The following ABCB9 variants were observed in gnomAD, a reference collection of about 807,000 sequenced individuals.
The protein encoded by ABCB9 is ABC-type oligopeptide transporter ABCB9.
Under a neutral mutation model 62.0 loss-of-function variants are expected in ABCB9, and 36 were observed. That is an observed-to-expected ratio of 0.58 (90% confidence interval 0.45 to 0.77). The LOEUF (loss-of-function observed/expected upper bound fraction) is 0.77, where lower values mean the gene tolerates loss of function less well. Ranked by LOEUF, ABCB9 falls within the 30% of genes least tolerant of loss-of-function variation. ABCB9 has a pLI of 0.00. For synonymous variants in ABCB9, 435 were observed against 461.4 expected, an observed-to-expected ratio of 0.94 and a Z score of 0.73; for missense variants, 943 against 1,054.7, an observed-to-expected ratio of 0.89 and a Z score of 1.47.
rs1230537764 is a variant in ABCB9, at chr12:122,964,403, G to A, written c.-88+1884C>T. Among the ~76,000 whole-genome samples, 1 of 152,206 alleles carries A rather than the reference G, an allele frequency of 6.6e-6. No homozygotes were observed. The highest frequency in any genetic ancestry group is 1.9e-4 in the East Asian group (1 of 5,198). The stretch of plus-strand genomic sequence containing the variant: ...ACATTTTGCAGATGGGGAAACTGAG[G>A]CCCACAGAGGGAGGGGGTGAGGCTT... On this transcript the variant is annotated intron_variant, in intron 1 of 11. Transcript: ENST00000280560. The surrounding 1 kb of genome is among the most constrained non-coding windows in gnomAD (Gnocchi z 4.7).
Position 122,940,118 on chromosome 12 carries a change from T to C in ABCB9, c.1736A>G (p.His579Arg), listed in dbSNP as rs748489928. The C allele has an allele frequency of 6.2e-7, 1 of 1,610,872 alleles. No individual in the cohort carries two copies. The highest frequency in any genetic ancestry group is 8.5e-7 in the Non-Finnish European group (1 of 1,178,766). The change falls in exon 9 of 12, where the codon CAC becomes CGC. Residue 579 changes from histidine to arginine, a missense_variant. Coordinates refer to ENST00000280560, the MANE Select transcript of ABCB9 (RefSeq NM_019625.4). The surrounding 1 kb of genome is among the most constrained non-coding windows in gnomAD (Gnocchi z 4.8). The part of the protein sequence containing the change: ...PISAYDHKYL[H>R]RVISLVSQEP... The stretch of plus-strand genomic sequence containing the variant: ...CCAGGCCCGTGCACATACCACACGG[T>C]GCAAGTACTTGTGGTCGTAGGCGCT...
downstream of ABCB9, chr12:122,924,811 C>T: frequency 6.5e-7 from 1 of 1,534,898 alleles, no homozygotes; most frequent in African/African-American, 1.4e-5. Context: ...ACCCAGCACA[C>T]TGTGTGGGAC....
At chr12:122,954,171 CAAA>C (rs557726998) in intron 2 of ABCB9, among the ~76,000 whole-genome samples, 5 of 114,746 alleles carry the variant, frequency 4.4e-5, no homozygotes, top group Admixed American at 8.9e-5. Flanking sequence ...GGCCCTGCCT[CAAA>C]AAAAAAAAAA....
Position 122,964,303 on chromosome 12 carries a change from C to T in ABCB9, c.-88+1984G>A, listed in dbSNP as rs2037060621. Among the ~76,000 whole-genome samples the T allele has an allele frequency of 6.6e-6, 1 of 152,192 alleles. No homozygotes were observed. Among genetic ancestry groups the T allele is most frequent in the South Asian group, 2.1e-4 (1 of 4,832 alleles). ...CAGCCCAGGGTACCAGTCATGCCCC[C>T]CGCCTCCAGAAGCCTATTTATCTTC... On this transcript the variant is annotated intron_variant, in intron 1 of 11. Transcript: ENST00000280560. The surrounding 1 kb of genome is among the most constrained non-coding windows in gnomAD (Gnocchi z 4.7).
In ABCB9 at chr12:122,947,377, T is replaced by G. The variant is rs1594031354; in HGVS notation, c.1054-1155A>C. On this transcript the variant is annotated intron_variant, in intron 5 of 11. Transcript: ENST00000280560. This position sits in a 1 kb window ranked among gnomAD's most constrained non-coding sequence, Gnocchi z 6.0. ...TGTGGCTGGAGAAGACTGTGGGGAG[T>G]GGCCTCACCGGGGGCTGGGTGGGAG... 1 of 383,132 alleles carries G rather than the reference T, an allele frequency of 2.6e-6. No homozygotes were observed. 23.7% of individuals were successfully genotyped at this position (383,132 alleles called of 1,614,324 possible).
At position 122,932,417 on chromosome 12, in the gene ABCB9, G is replaced by C. The variant is rs2035228238; in HGVS notation, c.1904-89C>G. 1 of 1,461,284 alleles carries C rather than the reference G, an allele frequency of 6.8e-7. No individual in the cohort carries two copies. Among genetic ancestry groups the C allele is most frequent in the African/African-American group, 1.4e-5 (1 of 71,194 alleles). The allele number at this position is 1,461,284 out of a possible 1,614,324, so 90.5% of individuals were successfully genotyped here. On this transcript the variant is annotated intron_variant, in intron 10 of 11. Transcript: ENST00000280560. The surrounding 1 kb of genome is among the most constrained non-coding windows in gnomAD (Gnocchi z 4.7). Reference sequence around the variant, plus strand: ...TGAGAGGCCCTGCCCTGCAGCTGTGGAAAGGGCGGGCTGGAACCCACAACT... The same window carrying C: ...TGAGAGGCCCTGCCCTGCAGCTGTGCAAAGGGCGGGCTGGAACCCACAACT...
chr12:122,939,622 C>G (rs553881154), intron 9 of ABCB9: 7 of 153,246 alleles, frequency 4.6e-5, no homozygotes, highest in Non-Finnish European at 1.0e-4. Context: ...ACCTCTACCT[C>G]CCGGGTTCAA....
intron 10 of ABCB9, among the ~76,000 whole-genome samples, chr12:122,933,794 G>A (rs1198160097): frequency 1.3e-5 from 2 of 151,888 alleles, no homozygotes; most frequent in Non-Finnish European, 2.9e-5. Flanking sequence ...GTATTTAATG[G>A]TGTACAACGT....
At chr12:122,922,038 C>T (rs537132302) in intron 11 of ABCB9, among the ~76,000 whole-genome samples, 3 of 152,156 alleles carry the variant, frequency 2.0e-5, no homozygotes, top group South Asian at 4.2e-4. Context: ...TGGAGACGCC[C>T]GGCCGGCCGC....
In ABCB9 at chr12:122,929,433, G is replaced by A; in HGVS notation, c.*478C>T. The A allele has an allele frequency of 3.0e-6, 3 of 987,668 alleles. No homozygotes were observed. The highest frequency in any genetic ancestry group is 3.6e-6 in the Non-Finnish European group (3 of 831,220). The allele number at this position is 987,668 out of a possible 1,614,324, so 61.2% of individuals were successfully genotyped here. A position where few individuals can be genotyped will look rare whatever the true frequency, so the allele number is the denominator to read the frequency against. On this transcript the variant is annotated 3_prime_UTR_variant, in exon 12 of 12. Transcript: ENST00000280560. The surrounding 1 kb of genome is among the most constrained non-coding windows in gnomAD (Gnocchi z 6.0). ...GTTCCCCGTGTCTCCCTCCGGGACA[G>A]GGAAGCCCCTTCTCTGGAGGGGTAA...
At chr12:122,936,626 T>G (rs1484657233) in intron 9 of ABCB9, among the ~76,000 whole-genome samples, 3 of 151,324 alleles carry the variant, frequency 2.0e-5, no homozygotes, top group Non-Finnish European at 4.4e-5. Context: ...ATTGGCCAGG[T>G]GTACACGGTG....
chr12:122,943,758 G>A (rs569441045), intron 7 of ABCB9, among the ~76,000 whole-genome samples: 3 of 150,606 alleles, frequency 2.0e-5, no homozygotes, highest in Admixed American at 1.3e-4. Flanking sequence ...GCCTCCTGAG[G>A]TGTGAGCCAC....
At chr12:122,935,112 G>C (rs1019216937) in intron 10 of ABCB9, among the ~76,000 whole-genome samples, 160 bp downstream of exon 10, 3 of 152,130 alleles carry the variant, frequency 2.0e-5, no homozygotes, top group African/African-American at 2.4e-5. Context: ...CAGGAAGATT[G>C]CTTGAGCGCA....
chr12:122,925,829 G>A (rs749929091), downstream of ABCB9, among the ~76,000 whole-genome samples: 7 of 152,168 alleles, frequency 4.6e-5, no homozygotes, highest in Admixed American at 1.3e-4. Flanking sequence ...TAGCCCAAAG[G>A]TGGAAACAGC....
At position 122,959,849 on chromosome 12, in the gene ABCB9, T is replaced by C; in HGVS notation, c.387A>G (p.Ala129=). 4 of 1,613,284 alleles carry C rather than the reference T, an allele frequency of 2.5e-6. No individual in the cohort carries two copies. The highest frequency in any genetic ancestry group is 2.7e-5 in the African/African-American group (2 of 75,042). ...LFVWTYISLG[A]SFLLWWLLST... is the part of the protein sequence containing the mutation. Reference sequence around the variant, plus strand: ...ACAGCAGCCACCAGAGCAGGAAGGATGCGCCGAGTGAAATGTACGTCCACA... The same window carrying C: ...ACAGCAGCCACCAGAGCAGGAAGGACGCGCCGAGTGAAATGTACGTCCACA... The change falls in exon 2 of 12, where the codon GCA becomes GCG. Residue 129 remains alanine (A), a synonymous_variant. Coordinates refer to ENST00000280560, the MANE Select transcript of ABCB9 (RefSeq NM_019625.4). The surrounding 1 kb of genome is among the most constrained non-coding windows in gnomAD (Gnocchi z 5.4).
In ABCB9 at chr12:122,940,784, C is replaced by A; in HGVS notation, c.1569+23G>T. 1.3e-6 allele frequency: 2 copies of A among 1,543,516 alleles called. No homozygotes were observed. The highest frequency in any genetic ancestry group is 1.2e-5 in the South Asian group (1 of 81,952). The stretch of plus-strand genomic sequence containing the variant: ...GGGGTGACGGAAAGGCTGATTCTGG[C>A]AGGCCTCAAGCCGCGCCCTCACCTG... On this transcript the variant is annotated intron_variant, in intron 8 of 11. Coordinates refer to ENST00000280560, the MANE Select transcript of ABCB9 (RefSeq NM_019625.4). This position sits in a 1 kb window ranked among gnomAD's most constrained non-coding sequence, Gnocchi z 4.8.
chr12:122,935,819 A>T (rs1218713854), intron 9 of ABCB9, among the ~76,000 whole-genome samples: 1 of 152,252 alleles, frequency 6.6e-6, no homozygotes, highest in Non-Finnish European at 1.5e-5. Context: ...CAGGTCACAC[A>T]GACTGCCCTG....
chr12:122,940,966 C>CA lies in ABCB9; in HGVS notation c.1409dup (p.Met470IlefsTer8). On this transcript the variant is annotated frameshift_variant, in exon 8 of 12. Transcript: ENST00000280560. LOFTEE classifies it high-confidence loss of function. The surrounding 1 kb of genome is among the most constrained non-coding windows in gnomAD (Gnocchi z 4.8). ...CCTTCTCAGCAGCCCCCACTCCCTG[C>CA]ATCAGGCCACTGTAGACGGAGCCCA... The CA allele has an allele frequency of 6.2e-7, 1 of 1,611,686 alleles. No individual in the cohort carries two copies. Among genetic ancestry groups the CA allele is most frequent in the Non-Finnish European group, 8.5e-7 (1 of 1,178,574 alleles).
rs115213079 is a variant in ABCB9, at chr12:122,950,540, C to T, written c.627G>A (p.Thr209=). Residue 209 remains threonine, a synonymous_variant, in exon 3 of 12, where the codon ACG becomes ACA. Transcript: ENST00000280560. The part of the protein sequence containing the change: ...ALGETFLPYY[T]GRAIDGIVIQ... ...TGACGATGCCATCAATGGCGCGGCC[C>T]GTGTAGTAGGGCAGGAAGGTCTCTC... is the stretch of plus-strand genomic sequence containing the variant. 102 of 1,612,842 alleles carry T rather than the reference C, an allele frequency of 6.3e-5. No homozygotes were observed. Among genetic ancestry groups the T allele is most frequent in the East Asian group, 1.8e-4 (8 of 44,880 alleles).
Sources: gnomAD v4.1 joint callset for allele counts (sites outside exome capture counted in the v4.1 genomes callset) on GRCh38, gnomAD v4.1.1 for gene constraint, Gnocchi (gnomAD v3.1) non-coding constraint, MANE v1.5 for transcripts, NCBI Gene and HGNC (gene_info 2026-07-23, HGNC 2026-07-21) for gene names.